UNC5D: variants seen among roughly 807,000 people sequenced by gnomAD.
The protein encoded by UNC5D is unc-5 netrin receptor D, also known as netrin receptor UNC5D.
In UNC5D, 39 loss-of-function variants were observed where a neutral mutation model predicts 105.4. That is an observed-to-expected ratio of 0.37 (90% CI 0.29 to 0.48). The LOEUF (loss-of-function observed/expected upper bound fraction) is 0.48. UNC5D is among the 20% of genes least tolerant of loss of function. The pLI is 0.98. For synonymous variants in UNC5D, 452 were observed against 450.4 expected, an observed-to-expected ratio of 1.00 and a Z score of -0.04; for missense variants, 991 against 1,202.4, an observed-to-expected ratio of 0.82 and a Z score of 2.60.
At position 35,682,057 on chromosome 8, in the gene UNC5D, C is replaced by T. The variant is rs1825704107; in HGVS notation, c.571-1490C>T. 2.0e-5 allele frequency among the ~76,000 whole-genome samples: 3 copies of T among 152,244 alleles called. No individual in the cohort carries two copies. The South Asian group carries it at 6.2e-4, about 32-fold the overall frequency. ...TCAGCTCACTGTAACCTCTGCCTCC[C>T]TGGTTCAAGCGATTCTCCTGCCTCA... On this transcript the variant is annotated intron_variant, in intron 4 of 16. Coordinates refer to ENST00000404895, the MANE Select transcript of UNC5D (RefSeq NM_080872.4).
chr8:35,308,847 TA>T (rs1220151947), intron 1 of UNC5D, among the ~76,000 whole-genome samples: 1 of 152,042 alleles, frequency 6.6e-6, no homozygotes, highest in Non-Finnish European at 1.5e-5. Context: ...GTAAATTCTG[TA>T]AATTGAAAAA....
At chr8:35,252,132 C>T in intron 1 of UNC5D, among the ~76,000 whole-genome samples, 1 of 151,430 alleles carries the variant, frequency 6.6e-6, no homozygotes, top group East Asian at 1.9e-4. Flanking sequence ...ACGCCATTCT[C>T]CAGCCTCAGC....
chr8:35,464,104 A>G (rs1041633053), intron 1 of UNC5D, among the ~76,000 whole-genome samples: 1 of 152,160 alleles, frequency 6.6e-6, no homozygotes, highest in African/African-American at 2.4e-5. Context: ...AGGTGAGTGG[A>G]TCACCTGAGG....
At chr8:35,339,113 T>C (rs1811267976) in intron 1 of UNC5D, among the ~76,000 whole-genome samples, 1 of 152,160 alleles carries the variant, frequency 6.6e-6, no homozygotes, top group Non-Finnish European at 1.5e-5. Flanking sequence ...TAGTCCAAAG[T>C]ATATTGGCAT....
chr8:35,466,059 C>T (rs1222448805), intron 1 of UNC5D, among the ~76,000 whole-genome samples: 3 of 152,150 alleles, frequency 2.0e-5, no homozygotes, highest in Non-Finnish European at 4.4e-5. Flanking sequence ...AGACTTTTAA[C>T]CTTCAGAACT....
intron 1 of UNC5D, among the ~76,000 whole-genome samples, chr8:35,424,425 G>T (rs1806112233): frequency 6.6e-6 from 1 of 152,130 alleles, no homozygotes. Context: ...ATCTCAGTTT[G>T]GACTAGTCTC....
intron 1 of UNC5D, among the ~76,000 whole-genome samples, chr8:35,264,533 A>AC (rs1370484029): frequency 6.6e-6 from 1 of 151,980 alleles, no homozygotes; most frequent in African/African-American, 2.4e-5. Context: ...TTCGAGACCA[A>AC]CCTGACCAAC....
chr8:35,374,186 C>A (rs7006157), intron 1 of UNC5D, among the ~76,000 whole-genome samples: 49,863 of 152,002 alleles, frequency 0.33, 9,794 homozygotes, highest in Middle Eastern at 0.45. Flanking sequence ...TAAACTATTC[C>A]TTTGCTGTTT....
At chr8:35,544,376 A>G (rs558293293) in intron 1 of UNC5D, 1 of 1,596,786 alleles carries the variant, frequency 6.3e-7, no homozygotes, top group South Asian at 1.1e-5. Context: ...AAATAACAGA[A>G]AATCTATCAG....
intron 1 of UNC5D, among the ~76,000 whole-genome samples, chr8:35,240,406 C>A (rs1162044225): frequency 3.3e-5 from 5 of 152,140 alleles, no homozygotes; most frequent in Non-Finnish European, 7.3e-5. Flanking sequence ...AATAGTAATA[C>A]TTATTAGTAA....
intron 1 of UNC5D, among the ~76,000 whole-genome samples, chr8:35,541,904 G>A (rs1198586754): frequency 6.6e-6 from 1 of 152,100 alleles, no homozygotes; most frequent in African/African-American, 2.4e-5. Flanking sequence ...TAATGAACGT[G>A]CTTTTGTAGA....
intron 14 of UNC5D, among the ~76,000 whole-genome samples, chr8:35,763,641 C>CT (rs1263477829): frequency 6.6e-6 from 1 of 152,106 alleles, no homozygotes; most frequent in Admixed American, 6.5e-5. Context: ...CTTAGCTGGG[C>CT]AAAACCACCT....
At chr8:35,483,999 G>T (rs1810665265) in intron 1 of UNC5D, among the ~76,000 whole-genome samples, 1 of 152,126 alleles carries the variant, frequency 6.6e-6, no homozygotes, top group African/African-American at 2.4e-5. Flanking sequence ...TTCTGAACTG[G>T]CAGATCAATT....
intron 1 of UNC5D, among the ~76,000 whole-genome samples, chr8:35,446,191 T>C (rs1179185611): frequency 6.6e-6 from 1 of 151,888 alleles, no homozygotes; most frequent in Non-Finnish European, 1.5e-5. Flanking sequence ...CTCAAAGGCA[T>C]TGACAATTTA....
At chr8:35,439,099 G>A (rs182853057) in intron 1 of UNC5D, among the ~76,000 whole-genome samples, 17 of 151,922 alleles carry the variant, frequency 1.1e-4, no homozygotes, top group Admixed American at 2.6e-4. Flanking sequence ...CCTAGTTCTA[G>A]ATCTTGAAAT....
chr8:35,483,608 G>A (rs1347298302), intron 1 of UNC5D, among the ~76,000 whole-genome samples: 2 of 152,174 alleles, frequency 1.3e-5, no homozygotes, highest in Non-Finnish European at 2.9e-5. Flanking sequence ...CTTCTACATA[G>A]TAGTATGGTT....
intron 4 of UNC5D, among the ~76,000 whole-genome samples, chr8:35,604,771 C>T (rs1820158773): frequency 6.6e-6 from 1 of 152,162 alleles, no homozygotes; most frequent in Non-Finnish European, 1.5e-5. Flanking sequence ...CTAAACTTCT[C>T]TTCATGATTC....
chr8:35,472,443 A>G (rs538631140), intron 1 of UNC5D, among the ~76,000 whole-genome samples: 1 of 152,248 alleles, frequency 6.6e-6, no homozygotes, highest in South Asian at 2.1e-4. Flanking sequence ...GCCTATTCAG[A>G]AAAACACTGA....
At chr8:35,309,690 G>C (rs1808724887) in intron 1 of UNC5D, among the ~76,000 whole-genome samples, 1 of 151,992 alleles carries the variant, frequency 6.6e-6, no homozygotes, top group Non-Finnish European at 1.5e-5. Flanking sequence ...TTCATTGCAA[G>C]TTACTGTTTA....
Sources: gnomAD v4.1 joint callset for allele counts (sites outside exome capture counted in the v4.1 genomes callset) on GRCh38, gnomAD v4.1.1 for gene constraint, MANE v1.5 for transcripts, NCBI Gene and HGNC (gene_info 2026-07-23, HGNC 2026-07-21) for gene names.